TRIM5: variants seen among roughly 807,000 people sequenced by gnomAD.
TRIM5 encodes the protein tripartite motif-containing protein 5.
In TRIM5, 31 loss-of-function variants were observed where a neutral mutation model predicts 35.6. The observed-to-expected ratio is 0.87, with a 90% CI of 0.65 to 1.18. The LOEUF (loss-of-function observed/expected upper bound fraction) is 1.18. TRIM5 is among the 50% of genes most tolerant of loss of function. TRIM5 has a pLI of 0.00. For missense variants in TRIM5, 609 were observed against 591.6 expected (o/e 1.03, Z -0.31); for synonymous variants, 243 against 215.6 (o/e 1.13, Z -1.11).
chr11:5,654,164 T>C, the TRIM5 span, among the ~76,000 whole-genome samples: 1 of 152,156 alleles, frequency 6.6e-6, no homozygotes, highest in African/African-American at 2.4e-5. Context: ...CATAGATATT[T>C]TTTCCTTGAA....
intron 4 of TRIM5, among the ~76,000 whole-genome samples, chr11:5,668,086 G>A (rs1851287360): frequency 6.6e-6 from 1 of 152,042 alleles, no homozygotes; most frequent in South Asian, 2.1e-4. Flanking sequence ...AGGCAACATA[G>A]CATGACCGCA....
the TRIM5 span, chr11:5,611,283 C>G: frequency 6.2e-7 from 1 of 1,614,118 alleles, no homozygotes; most frequent in Non-Finnish European, 8.5e-7. Flanking sequence ...TACTCTTTGT[C>G]CATATTTTAA....
intron 1 of TRIM5, among the ~76,000 whole-genome samples, chr11:5,681,869 G>A (rs1852491240): frequency 1.8e-5 from 2 of 111,530 alleles, no homozygotes; most frequent in Admixed American, 1.8e-4. Flanking sequence ...CACAATCTCG[G>A]CTCACCACAA....
At chr11:5,596,863 T>A in the TRIM5 span, 1 of 1,613,882 alleles carries the variant, frequency 6.2e-7, no homozygotes, top group Non-Finnish European at 8.5e-7. Flanking sequence ...CTGATATTGC[T>A]TACATCTGGA....
chr11:5,678,941 G>T, intron 3 of TRIM5, 133 bp downstream of exon 3: 1 of 734,548 alleles, frequency 1.4e-6, no homozygotes, highest in Non-Finnish European at 2.3e-6. Flanking sequence ...CACCCCATCA[G>T]GGAAAGGATG....
At position 5,680,579 on chromosome 11, in the gene TRIM5, C is replaced by G. The variant is rs59950692; in HGVS notation, c.-61-341G>C. On this transcript the variant is annotated intron_variant, in intron 1 of 7. Coordinates refer to ENST00000380034, the MANE Select transcript of TRIM5 (RefSeq NM_033034.3). Reference sequence around the variant, plus strand: ...CTGGCTTTTCTTTCCCACGCCAAAACACATCCTCAGTATTAAAATCACCAA... The same window carrying G: ...CTGGCTTTTCTTTCCCACGCCAAAAGACATCCTCAGTATTAAAATCACCAA... Among the ~76,000 whole-genome samples the G allele has an allele frequency of 5.1e-4, 78 of 152,306 alleles. No individual in the cohort carries two copies. The East Asian group carries it at 0.012, about 23-fold the overall frequency.
chr11:5,627,418 T>A, the TRIM5 span, among the ~76,000 whole-genome samples: 1 of 152,030 alleles, frequency 6.6e-6, no homozygotes, highest in Non-Finnish European at 1.5e-5. Context: ...TCAGCAAGAC[T>A]AGTGGAAGAA....
chr11:5,628,896 G>C, the TRIM5 span, among the ~76,000 whole-genome samples: 1 of 151,358 alleles, frequency 6.6e-6, no homozygotes, highest in African/African-American at 2.4e-5. Flanking sequence ...GGCATTCTTT[G>C]GCTTATATCT....
At chr11:5,610,952 A>G in the TRIM5 span, 1 of 1,614,114 alleles carries the variant, frequency 6.2e-7, no homozygotes. Context: ...ACTGGGAGGT[A>G]GATGTGGCCA....
chr11:5,622,488 G>GCGTGGT, the TRIM5 span, among the ~76,000 whole-genome samples: 1 of 151,312 alleles, frequency 6.6e-6, no homozygotes, highest in South Asian at 2.1e-4. Context: ...TGGACGTGGT[G>GCGTGGT]GCGCATGCCT....
chr11:5,678,574 T>G (rs1852178430), intron 3 of TRIM5, 140 bp from the exon 4 acceptor site: 1 of 599,052 alleles, frequency 1.7e-6, no homozygotes, highest in African/African-American at 1.9e-5. Context: ...AAAGCTGCCT[T>G]TTCCTATTTC....
chr11:5,632,746 G>C, the TRIM5 span: 1 of 1,602,080 alleles, frequency 6.2e-7, no homozygotes, highest in Non-Finnish European at 8.5e-7. Flanking sequence ...AGTATTCAAG[G>C]AATGTCAGGT....
At chr11:5,666,360 T>C in intron 5 of TRIM5, 1 of 418,480 alleles carries the variant, frequency 2.4e-6, no homozygotes, top group East Asian at 4.4e-5. Context: ...CTGTCTACAT[T>C]CTTAAACTCA....
At chr11:5,670,730 G>A (rs1475412791) in intron 4 of TRIM5, among the ~76,000 whole-genome samples, 1 of 152,090 alleles carries the variant, frequency 6.6e-6, no homozygotes, top group African/African-American at 2.4e-5. Context: ...GCCTTGAGGG[G>A]ATTGAACATA....
chr11:5,605,959 A>T, the TRIM5 span, among the ~76,000 whole-genome samples: 5 of 152,146 alleles, frequency 3.3e-5, no homozygotes, highest in African/African-American at 7.2e-5. Flanking sequence ...GCCTCTGCTC[A>T]CTAGATGTCA....
intron 3 of TRIM5, 111 bp from the exon 4 acceptor site, chr11:5,678,545 C>A: frequency 1.2e-6 from 1 of 810,578 alleles, no homozygotes; most frequent in Middle Eastern, 2.9e-4. Context: ...GACATAGTAG[C>A]AGGAGAGTAG....
At chr11:5,610,695 C>A in the TRIM5 span, 1 of 1,572,158 alleles carries the variant, frequency 6.4e-7, no homozygotes, top group Non-Finnish European at 8.6e-7. Context: ...GTTCCTCCAA[C>A]CACTTCCTGT....
At chr11:5,605,924 T>C in the TRIM5 span, among the ~76,000 whole-genome samples, 2 of 152,224 alleles carry the variant, frequency 1.3e-5, no homozygotes, top group African/African-American at 4.8e-5. Flanking sequence ...TCCTGTACAT[T>C]GTAGGATGCT....
Position 5,678,331 on chromosome 11 carries a change from T to C in TRIM5, c.617A>G (p.Glu206Gly). The C allele has an allele frequency of 1.2e-6, 2 of 1,614,008 alleles. No individual in the cohort carries two copies. The highest frequency in any genetic ancestry group is 4.5e-5 in the East Asian group (2 of 44,884). ...AAGGCTTTTCAGAATGTCTTCCTCC[T>C]CCTTCTCCAGGTTTTGCAGCTCATT... ...ESNELQNLEK[E>G]EEDILKSLTN... The change falls in exon 4 of 8, where the codon GAG becomes GGG. Residue 206 changes from glutamate (E) to glycine (G), a missense_variant. Coordinates refer to ENST00000380034, the MANE Select transcript of TRIM5 (RefSeq NM_033034.3).
Sources: gnomAD v4.1 joint callset for allele counts (sites outside exome capture counted in the v4.1 genomes callset) on GRCh38, gnomAD v4.1.1 for gene constraint, MANE v1.5 for transcripts, NCBI Gene and HGNC (gene_info 2026-07-23, HGNC 2026-07-21) for gene names.